PARVB: variants seen among roughly 807,000 people sequenced by gnomAD.
PARVB encodes the protein beta-parvin.
PARVB carries 46 observed loss-of-function variants against 47.0 expected under a neutral mutation model. The observed-to-expected ratio is 0.98, with a 90% CI of 0.77 to 1.25. The LOEUF (loss-of-function observed/expected upper bound fraction) is 1.25. PARVB is among the 50% of genes most tolerant of loss of function. The probability of loss-of-function intolerance (pLI) is 0.00; values close to 1 mark genes in which losing one functional copy is unlikely to be tolerated. For synonymous variants in PARVB, 196 were observed against 196.3 expected, an observed-to-expected ratio of 1.00 and a Z score of 0.01; for missense variants, 473 against 471.6, an observed-to-expected ratio of 1.00 and a Z score of -0.03.
chr22:44,023,709 C>T (rs940360635), upstream of PARVB, among the ~76,000 whole-genome samples: 1 of 152,144 alleles, frequency 6.6e-6, no homozygotes, highest in Admixed American at 6.5e-5. Flanking sequence ...CCCACACTGT[C>T]CCCAGGGCCT....
intron 3 of PARVB, chr22:44,104,424 A>T (rs1208986707): frequency 6.6e-6 from 1 of 152,424 alleles, no homozygotes; most frequent in Non-Finnish European, 1.5e-5. Flanking sequence ...GTTAAATATT[A>T]GTTCTCACTG....
intron 3 of PARVB, chr22:44,114,235 C>T (rs1345430520): frequency 3.5e-5 from 5 of 144,652 alleles, no homozygotes; most frequent in African/African-American, 1.4e-4. Flanking sequence ...GGCCCTGCAC[C>T]AACACAGATA....
intron 4 of PARVB, among the ~76,000 whole-genome samples, chr22:44,120,531 T>C (rs1398503721): frequency 6.6e-6 from 1 of 152,148 alleles, no homozygotes; most frequent in East Asian, 1.9e-4. Flanking sequence ...CTTGTCCTCC[T>C]GGGGGCATCG....
intron 2 of PARVB, among the ~76,000 whole-genome samples, chr22:44,019,185 G>A (rs2050617742): frequency 2.0e-5 from 3 of 151,874 alleles, no homozygotes; most frequent in East Asian, 3.9e-4. Flanking sequence ...CCAAAGTGCT[G>A]GGATTACAGG....
At chr22:44,054,754 C>T (rs1009485704) in intron 1 of PARVB, among the ~76,000 whole-genome samples, 1 of 145,746 alleles carries the variant, frequency 6.9e-6, no homozygotes. Context: ...TTTGGGAAGT[C>T]GAGGTGGGCA....
chr22:44,090,961 AT>A (rs2052152813), intron 1 of PARVB, among the ~76,000 whole-genome samples: 1 of 152,198 alleles, frequency 6.6e-6, no homozygotes, highest in Admixed American at 6.5e-5. Context: ...GTAACTCGTC[AT>A]GTGGTACAAA....
chr22:44,027,914 C>CAT (rs3083338), intron 1 of PARVB, among the ~76,000 whole-genome samples: 21,320 of 132,962 alleles, frequency 0.16, 1,851 homozygotes, highest in East Asian at 0.37. Context: ...AAAAAAAAAC[C>CAT]ATATATATAT....
At chr22:44,165,258 G>T (rs1002721168) in intron 12 of PARVB, among the ~76,000 whole-genome samples, 1 of 152,178 alleles carries the variant, frequency 6.6e-6, no homozygotes, top group Admixed American at 6.5e-5. Context: ...ACAGGCACGA[G>T]CCCCCATGCC....
rs572550873 is a variant in PARVB, at chr22:44,089,089, G to A, written c.113-4839G>A. Among the ~76,000 whole-genome samples, 15 of 152,236 alleles carry A rather than the reference G, an allele frequency of 9.9e-5. No individual in the cohort carries two copies. The highest frequency in any genetic ancestry group is 9.7e-4 in the East Asian group (5 of 5,168). On this transcript the variant is annotated intron_variant, in intron 1 of 12. Coordinates refer to ENST00000338758, the MANE Select transcript of PARVB (RefSeq NM_013327.5). The surrounding 1 kb of genome is among the most constrained non-coding windows in gnomAD (Gnocchi z 4.0). Reference sequence around the variant, plus strand: ...ATCCCGGGCTGAGCGAGGAGTGCCCGTCTCCAGAGACAGTGTGCCAAGGGG... The same window carrying A: ...ATCCCGGGCTGAGCGAGGAGTGCCCATCTCCAGAGACAGTGTGCCAAGGGG...
intron 10 of PARVB, among the ~76,000 whole-genome samples, chr22:44,157,114 G>T (rs2053951845): frequency 6.6e-6 from 1 of 152,194 alleles, no homozygotes; most frequent in South Asian, 2.1e-4. Flanking sequence ...GTGGCCATTG[G>T]CTACCATGTT....
intron 1 of PARVB, among the ~76,000 whole-genome samples, chr22:44,041,878 C>T (rs2051025189): frequency 6.6e-6 from 1 of 152,082 alleles, no homozygotes; most frequent in South Asian, 2.1e-4. Context: ...GAGCGAGACC[C>T]TGCCTCAAAA....
At chr22:44,061,441 CA>C (rs1225881835) in intron 1 of PARVB, among the ~76,000 whole-genome samples, 38 of 151,360 alleles carry the variant, frequency 2.5e-4, no homozygotes, top group African/African-American at 8.7e-4. Context: ...AAAAACAAAA[CA>C]AAACAAAACA....
intron 1 of PARVB, among the ~76,000 whole-genome samples, chr22:44,044,688 G>A (rs777298754): frequency 7.9e-5 from 12 of 151,908 alleles, no homozygotes; most frequent in Non-Finnish European, 1.6e-4. Context: ...GTTTTACCAT[G>A]TTGGCCAGGT....
At chr22:44,000,693 A>C (rs2050404800) in intron 2 of PARVB, among the ~76,000 whole-genome samples, 1 of 152,266 alleles carries the variant, frequency 6.6e-6, no homozygotes, top group Non-Finnish European at 1.5e-5. Flanking sequence ...TTTTCAGATA[A>C]CTGTGAACAT....
intron 11 of PARVB, among the ~76,000 whole-genome samples, chr22:44,160,498 G>A (rs2054028420): frequency 6.6e-6 from 1 of 152,212 alleles, no homozygotes; most frequent in Admixed American, 6.5e-5. Flanking sequence ...TATATGGCCT[G>A]GTCTCTGCTG....
At chr22:44,165,864 C>G (rs1219207702) in intron 12 of PARVB, among the ~76,000 whole-genome samples, 1 of 152,236 alleles carries the variant, frequency 6.6e-6, no homozygotes, top group Non-Finnish European at 1.5e-5. Context: ...ACAGAACACA[C>G]CAGGTCCCTG....
intron 4 of PARVB, 21 bp downstream of exon 4, chr22:44,119,161 G>A (rs777537184): frequency 9.1e-6 from 14 of 1,536,056 alleles, no homozygotes; most frequent in Non-Finnish European, 1.3e-5. Context: ...AGCAGGGACA[G>A]CTCTGTCCCA....
chr22:44,064,717 G>A (rs1461170249), intron 1 of PARVB, among the ~76,000 whole-genome samples: 1 of 152,190 alleles, frequency 6.6e-6, no homozygotes, highest in East Asian at 1.9e-4. Context: ...GGCTGGATAT[G>A]ATGGCATGCA....
chr22:44,147,774 G>T (rs1190083917), intron 8 of PARVB, 87 bp from the exon 9 acceptor site: 7 of 1,056,490 alleles, frequency 6.6e-6, no homozygotes, highest in Non-Finnish European at 1.0e-5. Flanking sequence ...ACCTCCTGAG[G>T]GATCAGAAGC....
Sources: gnomAD v4.1 joint callset for allele counts (sites outside exome capture counted in the v4.1 genomes callset) on GRCh38, gnomAD v4.1.1 for gene constraint, Gnocchi (gnomAD v3.1) non-coding constraint, MANE v1.5 for transcripts, NCBI Gene and HGNC (gene_info 2026-07-23, HGNC 2026-07-21) for gene names.